ODAD2: variants seen among roughly 807,000 people sequenced by gnomAD.
ODAD2 encodes the protein outer dynein arm-docking complex subunit 2.
Under a neutral mutation model 106.8 loss-of-function variants are expected in ODAD2, and 89 were observed. That is an observed-to-expected ratio of 0.83 (90% CI 0.70 to 0.99). The LOEUF is 0.99. Among genes scored for constraint, ODAD2 ranks in the 50% least tolerant of loss-of-function variants. The pLI, the probability that ODAD2 is intolerant of heterozygous loss-of-function variation, is 0.00. For synonymous variants in ODAD2, 404 were observed against 436.2 expected (o/e 0.93, Z 0.92); for missense variants, 1,168 against 1,238.5 (o/e 0.94, Z 0.85).
intron 17 of ODAD2, among the ~76,000 whole-genome samples, chr10:27,881,884 G>A (rs1365431372): frequency 1.3e-5 from 2 of 152,008 alleles, no homozygotes; most frequent in African/African-American, 4.8e-5. Flanking sequence ...AAATATGAAT[G>A]CTCAAACTGG....
At chr10:27,978,933 G>C (rs144274384) in intron 7 of ODAD2, among the ~76,000 whole-genome samples, 141 of 152,162 alleles carry the variant, frequency 9.3e-4, no homozygotes, top group African/African-American at 3.3e-3. Context: ...AGTCAGGCTA[G>C]GCATGGGGGC....
chr10:27,848,831 G>A (rs1214675438), intron 19 of ODAD2, among the ~76,000 whole-genome samples: 2 of 152,188 alleles, frequency 1.3e-5, no homozygotes, highest in Non-Finnish European at 2.9e-5. Context: ...TCAGAGAAAT[G>A]CAAATCAAAA....
chr10:27,983,914 C>A lies in ODAD2; in HGVS notation c.748G>T (p.Val250Leu). Residue 250 changes from valine to leucine, a missense_variant, in exon 6 of 20, where the codon GTG (valine) becomes TTG (leucine). By Grantham distance (32) the Val-to-Leu change is conservative (BLOSUM62 1). Coordinates refer to ENST00000305242, the MANE Select transcript of ODAD2 (RefSeq NM_018076.5). ...WRQIRGEICY[V>L]LVKPHDGETL... ...TCACCATCGTGAGGTTTCACCAGCA[C>A]ATAACAAATTTCCCCACGAATTTGT... 1 of 1,608,474 alleles carries A rather than the reference C, an allele frequency of 6.2e-7. No individual in the cohort carries two copies. Among genetic ancestry groups the A allele is most frequent in the Non-Finnish European group, 8.5e-7 (1 of 1,178,758 alleles).
chr10:27,852,272 T>C (rs1435299989), intron 19 of ODAD2, among the ~76,000 whole-genome samples: 1 of 152,104 alleles, frequency 6.6e-6, no homozygotes, highest in Non-Finnish European at 1.5e-5. Context: ...TGAAGGTAAA[T>C]AGAAAAGGCA....
At chr10:27,924,048 G>GAAAGAAAGAAAGAAAGAAAGAA (rs1554810929) in intron 16 of ODAD2, among the ~76,000 whole-genome samples, 5 of 126,820 alleles carry the variant, frequency 3.9e-5, no homozygotes, top group Admixed American at 7.8e-5. Context: ...AAGAAGGAAA[G>GAAAGAAAGAAAGAAAGAAAGAA]AGAAAGAAAG....
chr10:27,996,088 G>A (rs1311261371), intron 1 of ODAD2, among the ~76,000 whole-genome samples: 2 of 152,158 alleles, frequency 1.3e-5, no homozygotes, highest in Non-Finnish European at 2.9e-5. Flanking sequence ...CGTTAAATAA[G>A]AGCCAAGTTA....
chr10:27,998,086 C>T (rs369481896), intron 1 of ODAD2, among the ~76,000 whole-genome samples: 4 of 152,170 alleles, frequency 2.6e-5, no homozygotes, highest in African/African-American at 9.7e-5. Context: ...ATTCGGTAAT[C>T]ACATCGTTAA....
intron 19 of ODAD2, chr10:27,813,143 A>ATC (rs1210001140): frequency 6.6e-6 from 1 of 152,386 alleles, no homozygotes; most frequent in Non-Finnish European, 1.5e-5. Context: ...CCAGCTATTC[A>ATC]TCTTTCTCCT....
chr10:27,876,362 T>A (rs1841342033), intron 17 of ODAD2, among the ~76,000 whole-genome samples: 1 of 152,118 alleles, frequency 6.6e-6, no homozygotes, highest in African/African-American at 2.4e-5. Context: ...AGATGAACGA[T>A]CAGGCAGCAA....
At chr10:27,936,952 G>T in intron 14 of ODAD2, 72 bp from the exon 15 acceptor site, 2 of 1,481,418 alleles carry the variant, frequency 1.4e-6, no homozygotes, top group Non-Finnish European at 1.8e-6. Context: ...TAAAAAGGCT[G>T]CCATTCTAGT....
chr10:27,816,552 A>G (rs1836151115), intron 19 of ODAD2, among the ~76,000 whole-genome samples: 1 of 152,194 alleles, frequency 6.6e-6, no homozygotes, highest in African/African-American at 2.4e-5. Flanking sequence ...TGGGAGAATT[A>G]GGAAGTGAGG....
intron 17 of ODAD2, among the ~76,000 whole-genome samples, chr10:27,885,541 TATATATAAATATATAAATATAA>T (rs1339529027): frequency 0.26 from 8,023 of 30,860 alleles, 1,766 homozygotes; most frequent in Middle Eastern, 0.34. Flanking sequence ...AAAATATATA[TATATATAAATATATAAATATAA>T]ATATATATAT....
chr10:27,816,856 T>G (rs1836173627), intron 19 of ODAD2, among the ~76,000 whole-genome samples: 1 of 152,142 alleles, frequency 6.6e-6, no homozygotes, highest in Admixed American at 6.5e-5. Context: ...TTCAAGTGAT[T>G]CTCCTGCCTC....
At chr10:27,964,313 C>T (rs12777559) in intron 9 of ODAD2, among the ~76,000 whole-genome samples, 57,615 of 152,064 alleles carry the variant, frequency 0.38, 12,303 homozygotes, top group Middle Eastern at 0.59. Flanking sequence ...TTCATCTTGG[C>T]TCCTAGATGA....
chr10:27,860,907 A>G, intron 18 of ODAD2, 61 bp from the exon 19 acceptor site: 1 of 1,423,822 alleles, frequency 7.0e-7, no homozygotes, highest in Non-Finnish European at 9.9e-7. Flanking sequence ...GATCATGTCT[A>G]TAAGCACTTT....
At chr10:27,985,273 A>T (rs1448533591) in intron 3 of ODAD2, 62 bp from the exon 4 acceptor site, 1 of 1,271,594 alleles carries the variant, frequency 7.9e-7, no homozygotes, top group Non-Finnish European at 1.1e-6. Flanking sequence ...AGTACAACAA[A>T]CATTAAGACT....
At chr10:27,924,004 A>AAGAGAGAGAGAG (rs1491045861) in intron 16 of ODAD2, among the ~76,000 whole-genome samples, 2 of 130,826 alleles carry the variant, frequency 1.5e-5, no homozygotes, top group African/African-American at 5.7e-5. Flanking sequence ...GAAAGAAAGA[A>AAGAGAGAGAGAG]AGAAAGAAAG....
intron 17 of ODAD2, among the ~76,000 whole-genome samples, chr10:27,868,991 G>A (rs997666553): frequency 2.0e-5 from 3 of 151,758 alleles, no homozygotes; most frequent in African/African-American, 7.3e-5. Flanking sequence ...ATTTCAATAG[G>A]AGCTAAAGGA....
At chr10:27,863,530 G>A (rs1022283679) in intron 17 of ODAD2, among the ~76,000 whole-genome samples, 10 of 152,276 alleles carry the variant, frequency 6.6e-5, no homozygotes, top group Admixed American at 2.0e-4. Context: ...AAATTCCCAA[G>A]GAGAATTTGT....
Sources: allele counts gnomAD v4.1 joint callset (sites outside exome capture counted in the v4.1 genomes callset), GRCh38; gene constraint gnomAD v4.1.1; transcripts MANE v1.5; gene names NCBI Gene and HGNC (gene_info 2026-07-23, HGNC 2026-07-21).